GPC5: variants seen among roughly 807,000 people sequenced by gnomAD.
GPC5 encodes glypican 5.
A neutral mutation model predicts 53.9 loss-of-function variants in GPC5; 47 were observed. The ratio of observed to expected loss-of-function variants is 0.87; its 90% CI spans 0.69 to 1.11. The LOEUF (loss-of-function observed/expected upper bound fraction) is 1.11. GPC5 is among the 50% of genes most tolerant of loss of function. The probability of loss-of-function intolerance (pLI) is 0.00; values close to 1 mark genes in which losing one functional copy is unlikely to be tolerated. For missense variants in GPC5, 748 were observed against 713.1 expected (o/e 1.05, Z -0.56); for synonymous variants, 286 against 263.3 (o/e 1.09, Z -0.84).
Position 91,756,372 on chromosome 13 carries a change from C to G in GPC5, c.1232C>G (p.Ala411Gly). Residue 411 changes from alanine to glycine, a missense_variant, in exon 5 of 8, where the codon GCT becomes GGT. Ala to Gly is a moderately conservative substitution (Grantham distance 60). Transcript: ENST00000377067. ...GATCAGCTTTGTGCTAATGAATTAGCTGCTGCAGATGGACTTCCCTGCTGG... is the reference window on the plus strand; with the variant it reads ...GATCAGCTTTGTGCTAATGAATTAGGTGCTGCAGATGGACTTCCCTGCTGG... ...LADQLCANEL[A>G]AADGLPCWNG... The G allele has an allele frequency of 6.3e-7, 1 of 1,593,038 alleles. No individual in the cohort carries two copies. The highest frequency in any genetic ancestry group is 1.1e-5 in the South Asian group (1 of 88,732).
At chr13:92,168,258 C>T (rs1346650504) in intron 7 of GPC5, among the ~76,000 whole-genome samples, 3 of 152,108 alleles carry the variant, frequency 2.0e-5, no homozygotes, top group Non-Finnish European at 4.4e-5. Context: ...TAGGCAATAC[C>T]TTTCAGGACA....
chr13:92,230,765 CCT>C (rs1435100463), intron 7 of GPC5, among the ~76,000 whole-genome samples: 3 of 151,984 alleles, frequency 2.0e-5, no homozygotes, highest in Non-Finnish European at 4.4e-5. Flanking sequence ...TTTTAATTAC[CCT>C]GTTTTCTTAG....
At chr13:92,405,212 A>G (rs1273960029) in intron 7 of GPC5, among the ~76,000 whole-genome samples, 1 of 152,208 alleles carries the variant, frequency 6.6e-6, no homozygotes, top group Non-Finnish European at 1.5e-5. Flanking sequence ...CCAACCCCAG[A>G]GAGGATGCCA....
At chr13:92,187,656 G>A (rs983104853) in intron 7 of GPC5, among the ~76,000 whole-genome samples, 3 of 152,106 alleles carry the variant, frequency 2.0e-5, no homozygotes, top group African/African-American at 7.2e-5. Flanking sequence ...GAAAGAAGCT[G>A]GGCTTTAGAA....
intron 6 of GPC5, among the ~76,000 whole-genome samples, chr13:91,970,574 T>G (rs2040232168): frequency 6.6e-6 from 1 of 152,106 alleles, no homozygotes; most frequent in South Asian, 2.1e-4. Context: ...ACAGTTTGTA[T>G]TTGTCAGTTG....
At chr13:92,559,134 CACCCAGCA>C (rs5805754) in intron 7 of GPC5, among the ~76,000 whole-genome samples, 37,225 of 151,586 alleles carry the variant, frequency 0.25, 4,713 homozygotes, top group Middle Eastern at 0.29. Context: ...GAGCATACAT[CACCCAGCA>C]ACGGACGAAA....
At chr13:91,866,478 T>C (rs1057198231) in intron 5 of GPC5, among the ~76,000 whole-genome samples, 5 of 152,178 alleles carry the variant, frequency 3.3e-5, no homozygotes, top group African/African-American at 1.2e-4. Context: ...GTTCTCGCTC[T>C]ATGAATTCAC....
In GPC5 at chr13:91,768,038, A is replaced by C. The variant is rs183305023; in HGVS notation, c.1280+11618A>C. On this transcript the variant is annotated intron_variant, in intron 5 of 7. Coordinates refer to ENST00000377067, the MANE Select transcript of GPC5 (RefSeq NM_004466.6). Reference sequence around the variant, plus strand: ...ATTCCCTTTTCAGTTAAATGGATGTAAGTTTGCTAAACTACAAAAATGGAA... The same window carrying C: ...ATTCCCTTTTCAGTTAAATGGATGTCAGTTTGCTAAACTACAAAAATGGAA... Among the ~76,000 whole-genome samples the C allele has an allele frequency of 2.2e-3, 332 of 152,300 alleles. 1 individual carries two copies. Among genetic ancestry groups the C allele is most frequent in the African/African-American group, 7.5e-3 (312 of 41,570 alleles).
At chr13:92,461,584 TGTGA>T (rs1263166078) in intron 7 of GPC5, among the ~76,000 whole-genome samples, 1 of 152,194 alleles carries the variant, frequency 6.6e-6, no homozygotes, top group East Asian at 1.9e-4. Context: ...AGATTCCCAA[TGTGA>T]TAGTAACTGG....
chr13:92,861,223 A>T (rs1218720700), intron 7 of GPC5, among the ~76,000 whole-genome samples: 1 of 152,186 alleles, frequency 6.6e-6, no homozygotes, highest in Admixed American at 6.5e-5. Flanking sequence ...TAGGATTTTC[A>T]TTAACAATGC....
intron 4 of GPC5, among the ~76,000 whole-genome samples, chr13:91,740,526 T>C (rs1158456789): frequency 6.6e-6 from 1 of 152,198 alleles, no homozygotes; most frequent in East Asian, 1.9e-4. Context: ...TGGATTCTTT[T>C]ATTTTGGAGA....
intron 6 of GPC5, among the ~76,000 whole-genome samples, chr13:92,104,906 G>A (rs756383197): frequency 1.3e-5 from 2 of 152,100 alleles, no homozygotes; most frequent in Non-Finnish European, 2.9e-5. Flanking sequence ...TGTCATAGAT[G>A]ACAACCCCAT....
At chr13:92,387,678 ATT>A (rs1470872550) in intron 7 of GPC5, among the ~76,000 whole-genome samples, 2 of 152,084 alleles carry the variant, frequency 1.3e-5, no homozygotes, top group African/African-American at 2.4e-5. Flanking sequence ...TTAAAAAGTG[ATT>A]CTTAATTAAG....
chr13:91,830,155 A>G (rs891761735), intron 5 of GPC5, among the ~76,000 whole-genome samples: 1 of 152,046 alleles, frequency 6.6e-6, no homozygotes, highest in Non-Finnish European at 1.5e-5. Flanking sequence ...GGGGCCGTGT[A>G]TAGACCTACC....
intron 2 of GPC5, among the ~76,000 whole-genome samples, chr13:91,641,818 A>G (rs1471050546): frequency 6.6e-6 from 1 of 152,240 alleles, no homozygotes; most frequent in Non-Finnish European, 1.5e-5. Flanking sequence ...TGGAAGCTAT[A>G]GGGAACACTG....
intron 6 of GPC5, among the ~76,000 whole-genome samples, chr13:91,965,130 G>A: frequency 6.6e-6 from 1 of 151,866 alleles, no homozygotes; most frequent in Non-Finnish European, 1.5e-5. Context: ...TATACCTAAT[G>A]TAAATGAGGA....
chr13:91,602,724 T>C (rs1004189984), intron 2 of GPC5, among the ~76,000 whole-genome samples: 3 of 152,190 alleles, frequency 2.0e-5, no homozygotes, highest in African/African-American at 7.2e-5. Context: ...TGTTTGAGAG[T>C]GACTATCGGG....
rs1312879303 is a variant in GPC5 at position 92,751,926 on chromosome 13, T to C, written c.1562-114356T>C. 2.6e-5 allele frequency among the ~76,000 whole-genome samples: 4 copies of C among 152,168 alleles called. No individual in the cohort carries two copies. The East Asian group carries it at 7.7e-4, about 29-fold the overall frequency. ...TACATTGTTTCACTTGCGCTGGATC[T>C]ACTCGTTTTCAGTTACTTTGTTACC... On this transcript the variant is annotated intron_variant, in intron 7 of 7. Coordinates refer to ENST00000377067, the MANE Select transcript of GPC5 (RefSeq NM_004466.6).
chr13:92,706,596 C>T (rs907790898), intron 7 of GPC5, among the ~76,000 whole-genome samples: 5 of 152,036 alleles, frequency 3.3e-5, no homozygotes, highest in African/African-American at 7.2e-5. Context: ...CTTTTGACAG[C>T]CCTTACTCTG....
Sources: gnomAD v4.1 joint callset for allele counts (sites outside exome capture counted in the v4.1 genomes callset) on GRCh38, gnomAD v4.1.1 for gene constraint, MANE v1.5 for transcripts, NCBI Gene and HGNC (gene_info 2026-07-23, HGNC 2026-07-21) for gene names.